DNM3: variants seen among roughly 807,000 people sequenced by gnomAD.
DNM3 encodes the protein dynamin 3.
In DNM3, 47 loss-of-function variants were observed where a neutral mutation model predicts 101.6. That is an observed-to-expected ratio of 0.46 (90% CI 0.37 to 0.59). The LOEUF is 0.59. DNM3 is among the 20% of genes least tolerant of loss of function. The probability of loss-of-function intolerance (pLI) is 0.00; values close to 1 mark genes in which losing one functional copy is unlikely to be tolerated. For missense variants in DNM3, 849 were observed against 1,085.7 expected, an observed-to-expected ratio of 0.78 and a Z score of 3.06; for synonymous variants, 385 against 387.9, an observed-to-expected ratio of 0.99 and a Z score of 0.09.
chr1:171,909,716 A>G (rs1371172525), intron 1 of DNM3, among the ~76,000 whole-genome samples: 1 of 152,158 alleles, frequency 6.6e-6, no homozygotes, highest in Admixed American at 6.5e-5. Context: ...ACCTCTTTTC[A>G]AAATGCACAC....
chr1:171,930,313 T>C (rs1269738930), intron 2 of DNM3, among the ~76,000 whole-genome samples: 1 of 152,156 alleles, frequency 6.6e-6, no homozygotes, highest in Non-Finnish European at 1.5e-5. Flanking sequence ...CAGTGGGTCA[T>C]ATCCTGTGAG....
At chr1:171,884,596 G>T (rs1269565635) in intron 1 of DNM3, among the ~76,000 whole-genome samples, 2 of 152,198 alleles carry the variant, frequency 1.3e-5, no homozygotes, top group Non-Finnish European at 2.9e-5. Context: ...CAGCAGGTTG[G>T]TCTGGGCTCA....
intron 4 of DNM3, among the ~76,000 whole-genome samples, chr1:172,012,933 G>A (rs1273759605): frequency 6.6e-6 from 1 of 151,896 alleles, no homozygotes; most frequent in Non-Finnish European, 1.5e-5. Flanking sequence ...ATCACCGTTT[G>A]CTTTCAGAAT....
intron 14 of DNM3, among the ~76,000 whole-genome samples, chr1:172,244,232 A>G (rs1391688739): frequency 2.2e-4 from 34 of 151,914 alleles, no homozygotes; most frequent in African/African-American, 7.2e-4. Context: ...TCCATGGTGT[A>G]TATGTGCCAC....
chr1:172,310,261 A>G (rs912811616), intron 16 of DNM3: 6 of 152,190 alleles, frequency 3.9e-5, no homozygotes, highest in African/African-American at 1.4e-4. Flanking sequence ...CAAATGTTCT[A>G]TATTAAAAAT....
At chr1:171,890,272 C>T (rs1292444769) in intron 1 of DNM3, among the ~76,000 whole-genome samples, 1 of 152,052 alleles carries the variant, frequency 6.6e-6, no homozygotes, top group East Asian at 1.9e-4. Context: ...TAAGACTTGG[C>T]TTTTTAAAGT....
intron 15 of DNM3, among the ~76,000 whole-genome samples, chr1:172,301,681 G>T (rs557382440): frequency 6.6e-6 from 1 of 152,162 alleles, no homozygotes; most frequent in African/African-American, 2.4e-5. Context: ...TTAGGAGAAG[G>T]TTAAATCATC....
intron 13 of DNM3, among the ~76,000 whole-genome samples, chr1:172,121,051 G>T (rs963504863): frequency 1.3e-5 from 2 of 152,058 alleles, no homozygotes; most frequent in Admixed American, 6.6e-5. Context: ...TGATAATTAT[G>T]AGGTATTTTT....
intron 14 of DNM3, among the ~76,000 whole-genome samples, chr1:172,214,174 C>T (rs1312084150): frequency 6.6e-6 from 1 of 152,046 alleles, no homozygotes; most frequent in African/African-American, 2.4e-5. Context: ...TATCTAAGGA[C>T]TTGAGAAATT....
At chr1:172,373,550 A>G (rs1163920623) in intron 17 of DNM3, among the ~76,000 whole-genome samples, 1 of 152,134 alleles carries the variant, frequency 6.6e-6, no homozygotes, top group Non-Finnish European at 1.5e-5. Context: ...GCCTTAGAAT[A>G]GTTTTAATTT....
chr1:172,039,695 A>G (rs1305402557), intron 7 of DNM3, among the ~76,000 whole-genome samples: 2 of 152,186 alleles, frequency 1.3e-5, no homozygotes, highest in East Asian at 3.9e-4. Flanking sequence ...CTTGATTTGC[A>G]GAGGGCTGAT....
chr1:171,947,813 T>C (rs1382620687), intron 2 of DNM3, among the ~76,000 whole-genome samples: 1 of 152,212 alleles, frequency 6.6e-6, no homozygotes, highest in Non-Finnish European at 1.5e-5. Flanking sequence ...TACACTCAGA[T>C]ACAAGTAACT....
At chr1:172,313,572 C>A (rs2148885740) in intron 16 of DNM3, among the ~76,000 whole-genome samples, 1 of 152,256 alleles carries the variant, frequency 6.6e-6, no homozygotes, top group African/African-American at 2.4e-5. Context: ...CAAATCCACT[C>A]ACAGTTGGAT....
chr1:172,037,117 A>G lies in DNM3; in HGVS notation c.850-1202A>G, dbSNP rs1380429807. ...ACCATCTCACACCAGTTAGAATGGC[A>G]ATCATTAAAAAGTCAGGAAACAACA... On this transcript the variant is annotated intron_variant, in intron 6 of 20. Transcript: ENST00000627582. Among the ~76,000 whole-genome samples, 3 of 151,998 alleles carry G rather than the reference A, an allele frequency of 2.0e-5. No homozygotes were observed. In the East Asian group the frequency reaches 5.8e-4, roughly 29 times the overall value.
At chr1:172,208,995 C>CT (rs1394477750) in intron 14 of DNM3, among the ~76,000 whole-genome samples, 2 of 152,066 alleles carry the variant, frequency 1.3e-5, no homozygotes, top group Non-Finnish European at 1.5e-5. Flanking sequence ...TGGGAAAGCT[C>CT]TGTCATGTGC....
intron 1 of DNM3, among the ~76,000 whole-genome samples, chr1:171,916,668 C>G (rs1054772853): frequency 6.6e-6 from 1 of 152,190 alleles, no homozygotes; most frequent in Admixed American, 6.5e-5. Context: ...TGTCTTTGAT[C>G]TTTCTCTTCT....
At chr1:172,391,890 T>C (rs1466965480) in intron 20 of DNM3, among the ~76,000 whole-genome samples, 1 of 152,216 alleles carries the variant, frequency 6.6e-6, no homozygotes, top group Non-Finnish European at 1.5e-5. Context: ...CCATTCAGCA[T>C]GGGCTTGTGC....
chr1:172,409,380 A>G lies in DNM3; in HGVS notation c.*1539A>G. 1 of 985,122 alleles carries G rather than the reference A, an allele frequency of 1.0e-6. No individual in the cohort carries two copies. The highest frequency in any genetic ancestry group is 1.2e-6 in the Non-Finnish European group (1 of 829,654). 61.0% of individuals were successfully genotyped at this position (985,122 alleles called of 1,614,324 possible). A position where few individuals can be genotyped will look rare whatever the true frequency, so the allele number is the denominator to read the frequency against. ...GATACTCATAAAGTATAAAGTAAAA[A>G]CTTTTAACCATTATTAAACAGAGAA... On this transcript the variant is annotated 3_prime_UTR_variant, in exon 21 of 21. Transcript: ENST00000627582.
intron 14 of DNM3, among the ~76,000 whole-genome samples, chr1:172,183,649 G>A (rs1418830468): frequency 6.6e-6 from 1 of 151,856 alleles, no homozygotes; most frequent in Non-Finnish European, 1.5e-5. Context: ...CACCCAGGCT[G>A]GAGTGCAGTG....
Sources: allele counts gnomAD v4.1 joint callset (sites outside exome capture counted in the v4.1 genomes callset), GRCh38; gene constraint gnomAD v4.1.1; transcripts MANE v1.5; gene names NCBI Gene and HGNC (gene_info 2026-07-23, HGNC 2026-07-21).